MAF: variants seen among roughly 807,000 people sequenced by gnomAD.
MAF encodes the protein MAF bZIP transcription factor, also known as transcription factor Maf.
MAF carries 10 observed loss-of-function variants against 22.0 expected under a neutral mutation model. The observed-to-expected ratio is 0.45, with a 90% CI of 0.28 to 0.77. The LOEUF (loss-of-function observed/expected upper bound fraction) is 0.77, where lower values mean the gene tolerates loss of function less well. Among genes scored for constraint, MAF ranks in the 30% least tolerant of loss-of-function variants. The pLI, the probability that MAF is intolerant of heterozygous loss-of-function variation, is 0.12. For missense variants in MAF, 544 were observed against 548.4 expected, an observed-to-expected ratio of 0.99 and a Z score of 0.08; for synonymous variants, 337 against 255.8, an observed-to-expected ratio of 1.32 and a Z score of -3.03.
the MAF span, among the ~76,000 whole-genome samples, chr16:79,511,599 T>C: frequency 6.6e-6 from 1 of 152,246 alleles, no homozygotes; most frequent in Admixed American, 6.5e-5. Context: ...AAGAAGCATG[T>C]TACTGGCTTC....
chr16:79,597,842 T>G (rs747825948), intron 1 of MAF: 3 of 1,028,574 alleles, frequency 2.9e-6, no homozygotes, highest in Non-Finnish European at 3.5e-6. Context: ...CCATAAAGTC[T>G]TTGAAACAGT....
chr16:79,495,426 A>T, the MAF span, among the ~76,000 whole-genome samples: 1 of 152,180 alleles, frequency 6.6e-6, no homozygotes, highest in South Asian at 2.1e-4. Context: ...TCACACCACC[A>T]CACTCCAGAC....
the MAF span, among the ~76,000 whole-genome samples, chr16:79,538,249 T>C: frequency 6.6e-6 from 1 of 152,218 alleles, no homozygotes; most frequent in Non-Finnish European, 1.5e-5. Flanking sequence ...AAAATAGCCC[T>C]GAAACGTTTC....
the MAF span, among the ~76,000 whole-genome samples, chr16:79,532,263 A>G: frequency 6.6e-6 from 1 of 152,174 alleles, no homozygotes; most frequent in African/African-American, 2.4e-5. Flanking sequence ...GAACCAAGGC[A>G]GGAGGGTTGA....
chr16:79,490,049 G>A, the MAF span, among the ~76,000 whole-genome samples: 3 of 152,340 alleles, frequency 2.0e-5, no homozygotes, highest in South Asian at 4.1e-4. Flanking sequence ...TTTGGAACGG[G>A]TGTGTCTAAG....
chr16:79,208,232 A>AAAAG, the MAF span, among the ~76,000 whole-genome samples: 17 of 152,198 alleles, frequency 1.1e-4, no homozygotes, highest in Non-Finnish European at 1.8e-4. Context: ...GGCATGATTA[A>AAAAG]AAAGATTCTT....
chr16:79,596,457 C>T, intron 1 of MAF: 3 of 1,052,872 alleles, frequency 2.8e-6, no homozygotes, highest in Non-Finnish European at 3.4e-6. Context: ...TTAAACTGTA[C>T]ACTAAGAAAC....
the MAF span, among the ~76,000 whole-genome samples, chr16:79,284,336 A>T: frequency 6.6e-6 from 1 of 152,180 alleles, no homozygotes; most frequent in Admixed American, 6.5e-5. Context: ...TACTACTTCC[A>T]CACCATCCAA....
At chr16:79,350,020 G>T in the MAF span, among the ~76,000 whole-genome samples, 1 of 152,172 alleles carries the variant, frequency 6.6e-6, no homozygotes, top group Non-Finnish European at 1.5e-5. Context: ...CCTCCTCCAG[G>T]AAGCTCCCCA....
the MAF span, among the ~76,000 whole-genome samples, chr16:79,447,756 C>T: frequency 6.6e-6 from 1 of 151,820 alleles, no homozygotes; most frequent in Non-Finnish European, 1.5e-5. Context: ...ATGGAATTAG[C>T]AAGAGAACTT....
the MAF span, chr16:79,212,580 G>T: frequency 2.5e-5 from 4 of 162,440 alleles, no homozygotes; most frequent in South Asian, 6.8e-4. Flanking sequence ...GTCAATCACA[G>T]TCTCAGTTCT....
At chr16:79,261,197 G>C in the MAF span, among the ~76,000 whole-genome samples, 1 of 152,146 alleles carries the variant, frequency 6.6e-6, no homozygotes, top group Non-Finnish European at 1.5e-5. Flanking sequence ...TTGTCACCCA[G>C]GCTGGAGTAC....
chr16:79,466,839 C>A, the MAF span, among the ~76,000 whole-genome samples: 19 of 152,294 alleles, frequency 1.2e-4, no homozygotes, highest in Non-Finnish European at 2.9e-5. Context: ...TTTTCCCCTG[C>A]CCGCGACACC....
chr16:79,229,132 C>T, the MAF span, among the ~76,000 whole-genome samples: 1 of 75,954 alleles, frequency 1.3e-5, no homozygotes, highest in Non-Finnish European at 3.7e-5. Context: ...TTCCTTCAAA[C>T]ATAGACCCCC....
chr16:79,266,732 C>T, the MAF span, among the ~76,000 whole-genome samples: 2 of 152,124 alleles, frequency 1.3e-5, no homozygotes, highest in African/African-American at 2.4e-5. Context: ...ATAATTTGGT[C>T]ATGTAATAAA....
At chr16:79,208,116 AT>A in the MAF span, among the ~76,000 whole-genome samples, 1 of 152,212 alleles carries the variant, frequency 6.6e-6, no homozygotes, top group African/African-American at 2.4e-5. Flanking sequence ...GATACTCTTA[AT>A]CCCAAACAAG....
At chr16:79,306,179 T>C in the MAF span, among the ~76,000 whole-genome samples, 92 of 152,338 alleles carry the variant, frequency 6.0e-4, 1 homozygote, top group East Asian at 0.012. Flanking sequence ...TCCCCTGAAA[T>C]GAGACAGGCT....
At chr16:79,453,486 T>A in the MAF span, among the ~76,000 whole-genome samples, 1 of 152,254 alleles carries the variant, frequency 6.6e-6, no homozygotes, top group Non-Finnish European at 1.5e-5. Flanking sequence ...AAGCCATTTA[T>A]AATTCATTCC....
chr16:79,426,817 T>C, the MAF span, among the ~76,000 whole-genome samples: 153 of 152,374 alleles, frequency 1.0e-3, 2 homozygotes, highest in African/African-American at 3.6e-3. Flanking sequence ...GCAGGAAGGC[T>C]GGCGTGAGCC....
Sources: allele counts gnomAD v4.1 joint callset (sites outside exome capture counted in the v4.1 genomes callset), GRCh38; gene constraint gnomAD v4.1.1; transcripts MANE v1.5; gene names NCBI Gene and HGNC (gene_info 2026-07-23, HGNC 2026-07-21).